ASAP1: variants seen among roughly 807,000 people sequenced by gnomAD.
ASAP1 encodes the protein arf-GAP with SH3 domain, ANK repeat and PH domain-containing protein 1.
A neutral mutation model predicts 145.2 loss-of-function variants in ASAP1; 43 were observed. The ratio of observed to expected loss-of-function variants is 0.30; its 90% confidence interval spans 0.23 to 0.38. The LOEUF (loss-of-function observed/expected upper bound fraction) is 0.38. Among genes scored for constraint, ASAP1 ranks in the 10% least tolerant of loss-of-function variants. ASAP1 has a pLI of 1.00. For synonymous variants in ASAP1, 546 were observed against 515.5 expected (o/e 1.06, Z -0.80); for missense variants, 1,018 against 1,355.3 (o/e 0.75, Z 3.91).
intron 29 of ASAP1, 52 bp from the exon 30 acceptor site, chr8:130,054,857 A>G: frequency 6.8e-7 from 1 of 1,471,288 alleles, no homozygotes; most frequent in Non-Finnish European, 9.5e-7. Flanking sequence ...CAGTGGCCCC[A>G]CGACAAACCC....
chr8:130,181,045 G>A (rs1456343878), intron 7 of ASAP1, among the ~76,000 whole-genome samples, 165 bp from the exon 8 acceptor site: 1 of 151,606 alleles, frequency 6.6e-6, no homozygotes, highest in African/African-American at 2.4e-5. Flanking sequence ...TGATAACGGG[G>A]GAGGCTGTGC....
intron 3 of ASAP1, among the ~76,000 whole-genome samples, chr8:130,337,120 T>C (rs1032277260): frequency 6.6e-6 from 1 of 152,220 alleles, no homozygotes; most frequent in Non-Finnish European, 1.5e-5. Flanking sequence ...AAGGAAAGGC[T>C]TGGGCATCAA....
intron 9 of ASAP1, among the ~76,000 whole-genome samples, chr8:130,170,731 ATCTCTC>A (rs140376720): frequency 6.7e-6 from 1 of 149,816 alleles, no homozygotes; most frequent in African/African-American, 2.4e-5. Context: ...GTAAAGCCTC[ATCTCTC>A]TCTCTCTCTC....
chr8:130,120,571 T>C (rs966584322), intron 18 of ASAP1, among the ~76,000 whole-genome samples: 2 of 152,230 alleles, frequency 1.3e-5, no homozygotes, highest in African/African-American at 2.4e-5. Context: ...GATGCAAAGT[T>C]GCGGGGAGGT....
At chr8:130,122,141 TC>T (rs1205031872) in intron 18 of ASAP1, among the ~76,000 whole-genome samples, 1 of 152,064 alleles carries the variant, frequency 6.6e-6, no homozygotes, top group Admixed American at 6.6e-5. Flanking sequence ...AAATACCCTC[TC>T]CCCATTCCCC....
chr8:130,234,913 G>A (rs1299742460), intron 4 of ASAP1, among the ~76,000 whole-genome samples: 1 of 152,124 alleles, frequency 6.6e-6, no homozygotes, highest in Non-Finnish European at 1.5e-5. Flanking sequence ...TTAAAATAGA[G>A]AAGGCACTCA....
At chr8:130,256,757 A>ATATATATATATATATATCCT (rs1565142687) in intron 3 of ASAP1, among the ~76,000 whole-genome samples, 30 of 93,654 alleles carry the variant, frequency 3.2e-4, no homozygotes, top group Non-Finnish European at 5.7e-4. Context: ...ATATATATAT[A>ATATATATATATATATATCCT]TATATATATA....
At chr8:130,300,143 C>CAT (rs1458876507) in intron 3 of ASAP1, among the ~76,000 whole-genome samples, 4 of 111,766 alleles carry the variant, frequency 3.6e-5, no homozygotes, top group African/African-American at 1.6e-4. Flanking sequence ...CACACACACA[C>CAT]ACACACACAC....
chr8:130,183,123 T>C (rs531067162), intron 7 of ASAP1, among the ~76,000 whole-genome samples: 2 of 152,202 alleles, frequency 1.3e-5, no homozygotes, highest in South Asian at 4.1e-4. Context: ...GCAAACAGAA[T>C]GCACATACCG....
At chr8:130,235,473 T>C (rs549776738) in intron 4 of ASAP1, among the ~76,000 whole-genome samples, 9 of 152,178 alleles carry the variant, frequency 5.9e-5, no homozygotes, top group South Asian at 4.1e-4. Flanking sequence ...TAGTTATTTA[T>C]TTCACTCACC....
intron 3 of ASAP1, among the ~76,000 whole-genome samples, chr8:130,277,805 T>C (rs191163693): frequency 1.3e-5 from 2 of 152,048 alleles, no homozygotes; most frequent in Non-Finnish European, 1.5e-5. Flanking sequence ...GCCACTCATA[T>C]TGTGTCTGTT....
intron 2 of ASAP1, among the ~76,000 whole-genome samples, chr8:130,398,008 A>G (rs913671850): frequency 8.5e-5 from 13 of 152,258 alleles, no homozygotes; most frequent in Non-Finnish European, 1.3e-4. Flanking sequence ...GAATGAATCA[A>G]TCAGTCAGTC....
At chr8:130,090,386 C>A (rs879527657) in intron 25 of ASAP1, among the ~76,000 whole-genome samples, 1 of 152,136 alleles carries the variant, frequency 6.6e-6, no homozygotes, top group African/African-American at 2.4e-5. Context: ...GGGGGAAAGG[C>A]CTTTTTGATG....
rs181399945 is a variant in ASAP1 at position 130,376,106 on chromosome 8, C to T, written c.60-17963G>A. ...AAATGTGGGCTCCCAGATGCACATA[C>T]TACAGTAATTCAGGTTGTTTCTCTC... On this transcript the variant is annotated intron_variant, in intron 2 of 29. Coordinates refer to ENST00000518721, the MANE Select transcript of ASAP1 (RefSeq NM_018482.4). 5.9e-5 allele frequency among the ~76,000 whole-genome samples: 9 copies of T among 152,338 alleles called. No individual in the cohort carries two copies. In the East Asian group the frequency reaches 1.7e-3, roughly 29 times the overall value.
At chr8:130,377,871 C>T (rs540356369) in intron 2 of ASAP1, among the ~76,000 whole-genome samples, 5 of 152,270 alleles carry the variant, frequency 3.3e-5, no homozygotes, top group Admixed American at 1.3e-4. Context: ...TCTGGGTGCC[C>T]GACTAATCTC....
chr8:130,416,534 T>C (rs1354244029), intron 1 of ASAP1, among the ~76,000 whole-genome samples: 1 of 152,224 alleles, frequency 6.6e-6, no homozygotes, highest in African/African-American at 2.4e-5. Context: ...GCTTTGCAAC[T>C]ATCTCCAAAA....
chr8:130,115,685 A>G lies in ASAP1; in HGVS notation c.2115T>C (p.Tyr705=), dbSNP rs2097554582. 1.9e-6 allele frequency: 3 copies of G among 1,614,220 alleles called. No individual in the cohort carries two copies. In the East Asian group the frequency reaches 6.7e-5, roughly 36 times the overall value. The change falls in exon 23 of 30, where the codon TAT becomes TAC. Residue 705 remains tyrosine (Y), a synonymous_variant. Coordinates refer to ENST00000518721, the MANE Select transcript of ASAP1 (RefSeq NM_018482.4). ...TCTCCTCCTGTCGAAGATTCCACTCATATTCTACGTGGACGTGTGGATTGA... is the reference window on the plus strand; with the variant it reads ...TCTCCTCCTGTCGAAGATTCCACTCGTATTCTACGTGGACGTGTGGATTGA... ...GKFNPHVHVE[Y]EWNLRQEEID...
At chr8:130,070,856 A>G (rs1476475522) in intron 27 of ASAP1, among the ~76,000 whole-genome samples, 7 of 3,140 alleles carry the variant, frequency 2.2e-3, no homozygotes, top group East Asian at 0.03. Flanking sequence ...AGGGAGAGAG[A>G]GGGAGAGAGG....
chr8:130,343,041 C>A (rs1192796331), intron 3 of ASAP1, among the ~76,000 whole-genome samples: 1 of 152,194 alleles, frequency 6.6e-6, no homozygotes, highest in African/African-American at 2.4e-5. Flanking sequence ...GTGACTTAGT[C>A]ATGGGAGGTT....
Sources: gnomAD v4.1 joint callset for allele counts (sites outside exome capture counted in the v4.1 genomes callset) on GRCh38, gnomAD v4.1.1 for gene constraint, MANE v1.5 for transcripts, NCBI Gene and HGNC (gene_info 2026-07-23, HGNC 2026-07-21) for gene names.